Variants in UNC13C observed in about 807,000 individuals in gnomAD.
UNC13C encodes the protein unc-13 homolog C.
In UNC13C, 174 loss-of-function variants were observed where a neutral mutation model predicts 245.4. The observed-to-expected ratio is 0.71, with a 90% CI of 0.63 to 0.80. The LOEUF is 0.80. UNC13C is among the 30% of genes least tolerant of loss of function. The pLI, the probability that UNC13C is intolerant of heterozygous loss-of-function variation, is 0.00. For missense variants in UNC13C, 2,829 were observed against 2,602.9 expected (o/e 1.09, Z -1.89); for synonymous variants, 992 against 895.1 (o/e 1.11, Z -1.93).
intron 19 of UNC13C, among the ~76,000 whole-genome samples, chr15:54,491,776 G>C (rs1356153834): frequency 6.6e-6 from 1 of 152,048 alleles, no homozygotes; most frequent in Non-Finnish European, 1.5e-5. Flanking sequence ...GCCGAGGCGG[G>C]GGGATCACGA....
At chr15:54,595,395 C>G (rs1899022465) in intron 30 of UNC13C, among the ~76,000 whole-genome samples, 1 of 152,084 alleles carries the variant, frequency 6.6e-6, no homozygotes, top group East Asian at 1.9e-4. Context: ...CCTTTTTCTA[C>G]TCCCAAAGAT....
chr15:54,386,452 G>A (rs910816532), intron 17 of UNC13C, among the ~76,000 whole-genome samples: 1 of 152,170 alleles, frequency 6.6e-6, no homozygotes, highest in African/African-American at 2.4e-5. Flanking sequence ...GAGCATGTTA[G>A]CATGGGAAAG....
At chr15:54,065,611 C>T (rs960361313) in intron 2 of UNC13C, among the ~76,000 whole-genome samples, 1 of 152,184 alleles carries the variant, frequency 6.6e-6, no homozygotes, top group Non-Finnish European at 1.5e-5. Flanking sequence ...AGTAAGAATG[C>T]AAGATGCTGG....
At chr15:54,352,353 TAG>T (rs58227062) in intron 17 of UNC13C, among the ~76,000 whole-genome samples, 17,613 of 133,420 alleles carry the variant, frequency 0.13, 1,733 homozygotes, top group African/African-American at 0.27. Context: ...TATATATATA[TAG>T]AGAGAGAGAG....
At chr15:53,885,633 G>A in the UNC13C span, among the ~76,000 whole-genome samples, 5 of 152,134 alleles carry the variant, frequency 3.3e-5, no homozygotes, top group Non-Finnish European at 7.4e-5. Context: ...AAATTTTGAT[G>A]ACATAAATTT....
At chr15:54,556,710 T>C (rs995496065) in intron 29 of UNC13C, among the ~76,000 whole-genome samples, 1 of 151,436 alleles carries the variant, frequency 6.6e-6, no homozygotes, top group Non-Finnish European at 1.5e-5. Context: ...TTTGGAGTTA[T>C]AGTAGCACTA....
chr15:53,978,703 A>G lies in UNC13C; in HGVS notation c.-481A>G, dbSNP rs2140942438. On this transcript the variant is annotated 5_prime_UTR_variant, in exon 1 of 33. Coordinates refer to ENST00000260323, the MANE Select transcript of UNC13C (RefSeq NM_001080534.3). ...CGGGAGTGCGATAGAATTGACAAGA[A>G]AAGAACAGACACCGTTGCAGACCAA... 6.6e-6 allele frequency among the ~76,000 whole-genome samples: 1 copy of G among 152,252 alleles called. No homozygotes were observed. The highest frequency in any genetic ancestry group is 1.9e-4 in the East Asian group (1 of 5,158).
At chr15:54,112,912 G>T (rs1470170579) in intron 2 of UNC13C, among the ~76,000 whole-genome samples, 2 of 152,176 alleles carry the variant, frequency 1.3e-5, no homozygotes, top group Admixed American at 6.5e-5. Flanking sequence ...ACTTCTGAGA[G>T]AGTGAGTTAT....
intron 2 of UNC13C, among the ~76,000 whole-genome samples, chr15:54,040,579 A>G (rs1896768983): frequency 6.6e-6 from 1 of 152,042 alleles, no homozygotes; most frequent in Non-Finnish European, 1.5e-5. Context: ...AGCTGGGGGT[A>G]TTTTTCAACA....
intron 30 of UNC13C, among the ~76,000 whole-genome samples, chr15:54,586,702 C>T (rs1315836959): frequency 6.6e-6 from 1 of 152,128 alleles, no homozygotes; most frequent in Non-Finnish European, 1.5e-5. Context: ...AATAACAAGC[C>T]AGGCTAAGTC....
intron 1 of UNC13C, among the ~76,000 whole-genome samples, chr15:53,991,718 C>T (rs1009473611): frequency 1.3e-5 from 2 of 152,086 alleles, no homozygotes; most frequent in Non-Finnish European, 2.9e-5. Context: ...GGCTGCCACT[C>T]CAATGTTGCA....
intron 4 of UNC13C, among the ~76,000 whole-genome samples, chr15:54,231,874 G>T (rs530446111): frequency 4.6e-5 from 7 of 152,062 alleles, no homozygotes; most frequent in South Asian, 2.1e-4. Flanking sequence ...TTTAACTGTG[G>T]TGCATGAACT....
At chr15:53,894,535 G>A in the UNC13C span, among the ~76,000 whole-genome samples, 1 of 152,190 alleles carries the variant, frequency 6.6e-6, no homozygotes, top group Non-Finnish European at 1.5e-5. Context: ...GCGAAAGTCT[G>A]CTGGCACAGT....
chr15:54,467,620 C>T (rs993462404), intron 19 of UNC13C, among the ~76,000 whole-genome samples: 4 of 151,562 alleles, frequency 2.6e-5, no homozygotes, highest in African/African-American at 4.8e-5. Flanking sequence ...CTAATATATC[C>T]CCTTCTCCAT....
chr15:53,860,639 C>T, the UNC13C span, among the ~76,000 whole-genome samples: 2 of 152,174 alleles, frequency 1.3e-5, no homozygotes, highest in African/African-American at 4.8e-5. Context: ...CTTTGCCTCT[C>T]CAAGTTAAAC....
intron 30 of UNC13C, among the ~76,000 whole-genome samples, chr15:54,599,530 C>G (rs997442126): frequency 2.0e-5 from 3 of 151,928 alleles, no homozygotes; most frequent in African/African-American, 7.3e-5. Flanking sequence ...TAAGACTATC[C>G]AAGTTTCCGA....
intron 2 of UNC13C, among the ~76,000 whole-genome samples, chr15:54,036,625 G>C (rs1315512364): frequency 6.6e-6 from 1 of 152,166 alleles, no homozygotes; most frequent in Non-Finnish European, 1.5e-5. Flanking sequence ...GCTTTGGCCT[G>C]AGCCTGTCCA....
At chr15:53,946,920 C>G in the UNC13C span, among the ~76,000 whole-genome samples, 1 of 152,018 alleles carries the variant, frequency 6.6e-6, no homozygotes, top group African/African-American at 2.4e-5. Flanking sequence ...AGGATTTTTG[C>G]ATTAATGTTC....
At chr15:54,620,394 T>A (rs1900720592) in intron 30 of UNC13C, among the ~76,000 whole-genome samples, 1 of 152,160 alleles carries the variant, frequency 6.6e-6, no homozygotes, top group Admixed American at 6.6e-5. Context: ...ACGTTACTTG[T>A]TTTAAAACAG....
Sources: allele counts gnomAD v4.1 joint callset (sites outside exome capture counted in the v4.1 genomes callset), GRCh38; gene constraint gnomAD v4.1.1; transcripts MANE v1.5; gene names NCBI Gene and HGNC (gene_info 2026-07-23, HGNC 2026-07-21).